The following FRMD5 variants were observed in gnomAD, a reference collection of about 807,000 sequenced individuals.
FRMD5 encodes the protein FERM domain-containing protein 5.
A neutral mutation model predicts 69.0 loss-of-function variants in FRMD5; 20 were observed. The observed-to-expected ratio is 0.29, with a 90% CI of 0.20 to 0.42. The LOEUF (loss-of-function observed/expected upper bound fraction) is 0.42, where lower values mean the gene tolerates loss of function less well. Ranked by LOEUF, FRMD5 falls within the 10% of genes least tolerant of loss-of-function variation. FRMD5 has a pLI of 1.00. For synonymous variants in FRMD5, 271 were observed against 260.1 expected, an observed-to-expected ratio of 1.04 and a Z score of -0.40; for missense variants, 595 against 708.6, an observed-to-expected ratio of 0.84 and a Z score of 1.82.
intron 1 of FRMD5, among the ~76,000 whole-genome samples, chr15:44,076,796 A>T (rs1405967488): frequency 6.6e-6 from 1 of 152,040 alleles, no homozygotes; most frequent in Non-Finnish European, 1.5e-5. Flanking sequence ...AAGAAAAAAA[A>T]AAAGCTCTAT....
In FRMD5 at chr15:44,189,291, T is replaced by C. The variant is rs537850034; in HGVS notation, c.102+5662A>G. ...GTTGAAAGACCAATATAGGGGCCTA[T>C]CTTGGTCAAAATGTTGACAACAATA... On this transcript the variant is annotated intron_variant, in intron 1 of 13. Coordinates refer to ENST00000417257, the MANE Select transcript of FRMD5 (RefSeq NM_032892.5). 1.8e-4 allele frequency among the ~76,000 whole-genome samples: 28 copies of C among 152,258 alleles called. No individual in the cohort carries two copies. The South Asian group carries it at 5.8e-3, about 32-fold the overall frequency.
intron 1 of FRMD5, among the ~76,000 whole-genome samples, chr15:43,970,050 T>C (rs1174514239): frequency 1.3e-5 from 2 of 152,160 alleles, no homozygotes; most frequent in African/African-American, 4.8e-5. Flanking sequence ...AAAGGGAGGA[T>C]AGAAGAAAAA....
In FRMD5 at chr15:43,961,354, G is replaced by A. The variant is rs559769782; in HGVS notation, c.103-37045C>T. ...ATACACTCTCCCAAGACTAAACCAG[G>A]AAGAAGTTGAATCTCTGAATAGACC... is the stretch of plus-strand genomic sequence containing the variant. On this transcript the variant is annotated intron_variant, in intron 1 of 13. Coordinates refer to ENST00000417257, the MANE Select transcript of FRMD5 (RefSeq NM_032892.5). Among the ~76,000 whole-genome samples, 1,042 of 152,274 alleles carry A rather than the reference G, an allele frequency of 6.8e-3. 12 individuals are homozygous for A. Among genetic ancestry groups the A allele is most frequent in the Non-Finnish European group, 0.013 (884 of 68,014 alleles).
At chr15:43,949,114 A>G (rs552644801) in intron 1 of FRMD5, among the ~76,000 whole-genome samples, 1 of 152,350 alleles carries the variant, frequency 6.6e-6, no homozygotes, top group East Asian at 1.9e-4. Flanking sequence ...GCCTGCAGGG[A>G]AAGAGCTCAG....
chr15:44,082,334 C>T (rs1481709356), intron 1 of FRMD5, among the ~76,000 whole-genome samples: 1 of 151,950 alleles, frequency 6.6e-6, no homozygotes, highest in Admixed American at 6.6e-5. Context: ...TCTCAAATGA[C>T]TTTTCTGGTG....
At position 43,929,453 on chromosome 15, in the gene FRMD5, A is replaced by C. The variant is rs563322917; in HGVS notation, c.103-5144T>G. On this transcript the variant is annotated intron_variant, in intron 1 of 13. Coordinates refer to ENST00000417257, the MANE Select transcript of FRMD5 (RefSeq NM_032892.5). ...ATCCTGCTTACTTGTGAGGCACACA[A>C]GCACCTCACAAGCAAGTGCAAACGA... 1.1e-3 allele frequency among the ~76,000 whole-genome samples: 170 copies of C among 152,292 alleles called. 2 individuals are homozygous for C. In the South Asian group the frequency reaches 0.03, roughly 27 times the overall value.
upstream of FRMD5, among the ~76,000 whole-genome samples, chr15:44,197,191 A>C (rs1566999909): frequency 7.4e-6 from 1 of 134,546 alleles, no homozygotes; most frequent in Non-Finnish European, 1.7e-5. Flanking sequence ...ACAGAGCAAG[A>C]CTCGGTCTAA....
At chr15:44,013,383 G>C (rs1389842285) in intron 1 of FRMD5, among the ~76,000 whole-genome samples, 1 of 152,078 alleles carries the variant, frequency 6.6e-6, no homozygotes, top group African/African-American at 2.4e-5. Flanking sequence ...CAGTAACTTA[G>C]GTACTTAGAA....
chr15:43,959,045 GACTAA>G (rs1401135710), intron 1 of FRMD5, among the ~76,000 whole-genome samples: 1 of 152,160 alleles, frequency 6.6e-6, no homozygotes, highest in Admixed American at 6.5e-5. Context: ...TTAACACAAA[GACTAA>G]ACTTCCCTCC....
At chr15:44,150,372 A>G (rs75835141) in intron 1 of FRMD5, among the ~76,000 whole-genome samples, 7,345 of 151,962 alleles carry the variant, frequency 0.048, 528 homozygotes, top group African/African-American at 0.15. Flanking sequence ...TTGTTTGTTT[A>G]CTGACGATAT....
At chr15:43,937,644 C>CAA (rs58803908) in intron 1 of FRMD5, among the ~76,000 whole-genome samples, 22 of 60,452 alleles carry the variant, frequency 3.6e-4, no homozygotes, top group African/African-American at 1.1e-3. Context: ...GACACTGTCT[C>CAA]AAAAAAAAAA....
intron 1 of FRMD5, among the ~76,000 whole-genome samples, chr15:44,070,062 C>T (rs1303066900): frequency 6.6e-6 from 1 of 152,168 alleles, no homozygotes; most frequent in African/African-American, 2.4e-5. Context: ...AATATTACTT[C>T]TACCACTATT....
intron 1 of FRMD5, among the ~76,000 whole-genome samples, chr15:44,082,380 T>C (rs1894032934): frequency 6.6e-6 from 1 of 152,048 alleles, no homozygotes; most frequent in Non-Finnish European, 1.5e-5. Flanking sequence ...TGAACTATGC[T>C]AGGTCAGCCA....
At chr15:43,951,875 C>T (rs1353400472) in intron 1 of FRMD5, among the ~76,000 whole-genome samples, 2 of 152,178 alleles carry the variant, frequency 1.3e-5, no homozygotes, top group Non-Finnish European at 2.9e-5. Context: ...GACAAATTCT[C>T]CCCTGACCAG....
At position 44,126,835 on chromosome 15, in the gene FRMD5, TA is replaced by T. The variant is rs200717457; in HGVS notation, c.102+68117del. 8.9e-3 allele frequency among the ~76,000 whole-genome samples: 1,355 copies of T among 152,290 alleles called. 77 individuals carry two copies. The highest frequency in any genetic ancestry group is 0.08 in the Admixed American group (1,218 of 15,286). ...TAACTTTGGAAATTAGTCTCCTTCA[TA>T]AAAACTTTCCCAAGTAACTAGAAGT... On this transcript the variant is annotated intron_variant, in intron 1 of 13. Transcript: ENST00000417257.
intron 1 of FRMD5, among the ~76,000 whole-genome samples, chr15:44,039,192 C>G (rs892637750): frequency 1.3e-5 from 2 of 152,248 alleles, no homozygotes; most frequent in African/African-American, 4.8e-5. Flanking sequence ...ACAGATAAAA[C>G]CCCCATCTCC....
chr15:44,100,871 C>G (rs1012660328), intron 1 of FRMD5, among the ~76,000 whole-genome samples: 3 of 152,116 alleles, frequency 2.0e-5, no homozygotes, highest in African/African-American at 7.2e-5. Flanking sequence ...AGTCTTGGGG[C>G]CAGGCACAGT....
intron 1 of FRMD5, among the ~76,000 whole-genome samples, chr15:43,985,018 C>T (rs6493091): frequency 0.85 from 127,619 of 149,930 alleles, 56,170 homozygotes; most frequent in Non-Finnish European, 0.95. Context: ...CGGTGGCTCA[C>T]GCCTGTAATT....
chr15:44,187,576 T>G (rs557826521), intron 1 of FRMD5, among the ~76,000 whole-genome samples: 3 of 152,110 alleles, frequency 2.0e-5, no homozygotes, highest in Non-Finnish European at 4.4e-5. Context: ...AATTTTTTTT[T>G]TTTTTTTAGG....
Sources: gnomAD v4.1 joint callset for allele counts (sites outside exome capture counted in the v4.1 genomes callset) on GRCh38, gnomAD v4.1.1 for gene constraint, MANE v1.5 for transcripts, NCBI Gene and HGNC (gene_info 2026-07-23, HGNC 2026-07-21) for gene names.